Variants in CAND2 observed in about 807,000 individuals in gnomAD.
CAND2 encodes cullin associated and neddylation dissociated 2 (putative).
Under a neutral mutation model 98.9 loss-of-function variants are expected in CAND2, and 62 were observed. The ratio of observed to expected loss-of-function variants is 0.63; its 90% CI spans 0.51 to 0.77. The LOEUF (loss-of-function observed/expected upper bound fraction) is 0.77, where lower values mean the gene tolerates loss of function less well. Ranked by LOEUF, CAND2 falls within the 30% of genes least tolerant of loss-of-function variation. The probability of loss-of-function intolerance (pLI) is 0.00; values close to 1 mark genes in which losing one functional copy is unlikely to be tolerated. For synonymous variants in CAND2, 770 were observed against 731.9 expected, an observed-to-expected ratio of 1.05 and a Z score of -0.84; for missense variants, 1,501 against 1,655.2, an observed-to-expected ratio of 0.91 and a Z score of 1.62.
chr3:12,828,429 C>G (rs2062021318), intron 13 of CAND2, among the ~76,000 whole-genome samples: 1 of 151,050 alleles, frequency 6.6e-6, no homozygotes, highest in African/African-American at 2.4e-5. Flanking sequence ...CCTCTGCCTC[C>G]CAGGTTCAAG....
intron 7 of CAND2, among the ~76,000 whole-genome samples, chr3:12,813,784 G>A (rs1020633240): frequency 2.0e-5 from 3 of 152,218 alleles, no homozygotes; most frequent in Admixed American, 6.5e-5. Flanking sequence ...GCTTTCAGGA[G>A]ATAATGTCTT....
Position 12,815,078 on chromosome 3 carries a change from C to A in CAND2, c.1007-63C>A. On this transcript the variant is annotated intron_variant, in intron 7 of 14. Transcript: ENST00000456430. The surrounding 1 kb of genome is among the most constrained non-coding windows in gnomAD (Gnocchi z 5.7). ...GCTCTCTCTCCTCCCTGTCCCTTCTCCCCCGAGCCACAGACCTGTCCTGGG... is the reference window on the plus strand; with the variant it reads ...GCTCTCTCTCCTCCCTGTCCCTTCTACCCCGAGCCACAGACCTGTCCTGGG... 8 of 1,526,764 alleles carry A rather than the reference C, an allele frequency of 5.2e-6. No homozygotes were observed. Among genetic ancestry groups the A allele is most frequent in the Non-Finnish European group, 7.1e-6 (8 of 1,121,492 alleles). 94.6% of individuals were successfully genotyped at this position (1,526,764 alleles called of 1,614,324 possible).
At chr3:12,807,232 AG>A in intron 2 of CAND2, 73 bp from the exon 3 acceptor site, 1 of 1,395,712 alleles carries the variant, frequency 7.2e-7, no homozygotes. Flanking sequence ...CAGGAGCATG[AG>A]GGGACATAAA....
Position 12,815,449 on chromosome 3 carries a change from C to T in CAND2, c.1299+16C>T, listed in dbSNP as rs777006257. Reference sequence around the variant, plus strand: ...ACGTGGACAGGTGGGCGTGCCTTCACCTCCACCCCTACCCCCGATTTGCCT... The same window carrying T: ...ACGTGGACAGGTGGGCGTGCCTTCATCTCCACCCCTACCCCCGATTTGCCT... On this transcript the variant is annotated intron_variant, in intron 8 of 14. Transcript: ENST00000456430. The surrounding 1 kb of genome is among the most constrained non-coding windows in gnomAD (Gnocchi z 5.7). The T allele has an allele frequency of 1.3e-6, 2 of 1,595,926 alleles. No homozygotes were observed. The highest frequency in any genetic ancestry group is 1.1e-5 in the South Asian group (1 of 90,136).
rs185569616 is a variant in CAND2 at position 12,804,504 on chromosome 3, T to A, written c.212+873T>A. Among the ~76,000 whole-genome samples, 22 of 152,220 alleles carry A rather than the reference T, an allele frequency of 1.4e-4. No homozygotes were observed. In the East Asian group the frequency reaches 4.1e-3, roughly 28 times the overall value. ...AAAAAAGGCTTAGGGCACATGGGAC[T>A]GGGAGAGGTCCTAAAAGCCCCAGCC... On this transcript the variant is annotated intron_variant, in intron 2 of 14. Transcript: ENST00000456430.
chr3:12,820,055 CCTCA>C (rs780580048), intron 10 of CAND2, 27 bp from the exon 11 acceptor site: 72 of 1,587,154 alleles, frequency 4.5e-5, no homozygotes, highest in Admixed American at 1.2e-4. Context: ...GGCCCCTGCC[CCTCA>C]CTAACTCACC....
In CAND2 at chr3:12,833,755, G is replaced by C. The variant is rs753039496; in HGVS notation, c.3484G>C (p.Val1162Leu). ...EPLRATCTAK[V>L]KAGSVKQEFE... ...CTGCTTCTGCTGTTTCCTACTTTAG[G>C]TCAAAGCTGGTTCTGTGAAGCAGGA... The change falls in exon 15 of 15, where the codon GTC becomes CTC. Residue 1162 changes from valine (V) to leucine (L), a missense_variant and splice_region_variant. By Grantham distance (32) the Val-to-Leu change is conservative. Around this residue, in one of 3 missense-constraint regions of CAND2, gnomAD observed 1,427 missense variants for 1,545.3 expected, o/e 0.92. Transcript: ENST00000456430. 6.2e-7 allele frequency: 1 copy of C among 1,613,360 alleles called. No individual in the cohort carries two copies. Among genetic ancestry groups the C allele is most frequent in the Non-Finnish European group, 8.5e-7 (1 of 1,179,338 alleles).
rs1345558148 is a variant in CAND2 at position 12,815,242 on chromosome 3, C to A, written c.1108C>A (p.Leu370Met). ...CTTGATCAGCTCGCGGCCTGACCTG[C>A]TGCCCGATTTCCACTGCACCCTGGC... is the stretch of plus-strand genomic sequence containing the variant. ...AALISSRPDL[L>M]PDFHCTLAPV... is the part of the protein sequence containing the mutation. The change falls in exon 8 of 15, where the codon CTG becomes ATG. Residue 370 changes from leucine to methionine, a missense_variant. This residue lies in a region of CAND2 where 1,427 missense variants were observed against 1,545.3 expected (regional missense o/e 0.92). Coordinates refer to ENST00000456430, the MANE Select transcript of CAND2 (RefSeq NM_001162499.2). The surrounding 1 kb of genome is among the most constrained non-coding windows in gnomAD (Gnocchi z 5.7). 2 of 1,613,768 alleles carry A rather than the reference C, an allele frequency of 1.2e-6. No individual in the cohort carries two copies. Among genetic ancestry groups the A allele is most frequent in the Non-Finnish European group, 1.7e-6 (2 of 1,180,054 alleles).
rs1481085489 is a variant in CAND2 at position 12,834,369 on chromosome 3, G to C, written c.*387G>C. On this transcript the variant is annotated 3_prime_UTR_variant, in exon 15 of 15. Transcript: ENST00000456430. ...AGCTGTAAAAGATCAGGAGGCAGCA[G>C]ACACCACTCTGGTTTCTTCACTGCA... 5 of 201,300 alleles carry C rather than the reference G, an allele frequency of 2.5e-5. No individual in the cohort carries two copies. The highest frequency in any genetic ancestry group is 4.1e-5 in the Non-Finnish European group (4 of 97,354). 12.5% of individuals were successfully genotyped at this position (201,300 alleles called of 1,614,324 possible).
intron 13 of CAND2, among the ~76,000 whole-genome samples, chr3:12,829,088 T>C (rs2062029071): frequency 6.6e-6 from 1 of 152,242 alleles, no homozygotes; most frequent in Non-Finnish European, 1.5e-5. Context: ...TGCTGGATCA[T>C]ACGGCAATTC....
intron 10 of CAND2, among the ~76,000 whole-genome samples, chr3:12,818,262 C>CA (rs11329908): frequency 0.021 from 3,063 of 147,476 alleles, 43 homozygotes; most frequent in Middle Eastern, 0.028. Context: ...CTGCCTCTAC[C>CA]AAAAAAAAAA....
At position 12,827,526 on chromosome 3, in the gene CAND2, G is replaced by A; in HGVS notation, c.3297G>A (p.Glu1099=). The A allele has an allele frequency of 6.2e-7, 1 of 1,614,102 alleles. No homozygotes were observed. Among genetic ancestry groups the A allele is most frequent in the Admixed American group, 1.7e-5 (1 of 60,010 alleles). The change falls in exon 13 of 15, where the codon GAG becomes GAA. Residue 1099 remains glutamate (E), a synonymous_variant. Transcript: ENST00000456430. ...TTGAATGCATGTATTCACTGCTTGA[G>A]AGCTGCCTGGGCCAGCTGGATATCT... The part of the protein sequence containing the change: ...AAFECMYSLL[E]SCLGQLDICE...
At chr3:12,813,759 ACC>A (rs2061873874) in intron 7 of CAND2, among the ~76,000 whole-genome samples, 1 of 152,194 alleles carries the variant, frequency 6.6e-6, no homozygotes, top group South Asian at 2.1e-4. Context: ...GCCACCGTGT[ACC>A]CTTTTATGAA....
intron 4 of CAND2, among the ~76,000 whole-genome samples, chr3:12,809,072 G>C (rs1180191741): frequency 6.6e-6 from 1 of 152,180 alleles, no homozygotes; most frequent in East Asian, 1.9e-4. Flanking sequence ...TATAGGGAAA[G>C]CAATTCGGGT....
chr3:12,807,310 G>C lies in CAND2; in HGVS notation c.217G>C (p.Gly73Arg). The C allele has an allele frequency of 6.4e-7, 1 of 1,551,214 alleles. No homozygotes were observed. Among genetic ancestry groups the C allele is most frequent in the Non-Finnish European group, 8.7e-7 (1 of 1,146,710 alleles). Residue 73 changes from glycine (G) to arginine (R), a missense_variant, in exon 3 of 15, where the codon GGT becomes CGT. This residue lies in a region of CAND2 where 12 missense variants were observed against 32.6 expected (regional missense o/e 0.37). Transcript: ENST00000456430. ...EVQNLAVKCL[G>R]PLVVKVKEYQ... ...ACCTTCCCACTCCCTGCTCAGCCTG[G>C]GTCCTCTGGTGGTCAAAGTGAAGGA... is the stretch of plus-strand genomic sequence containing the variant.
At chr3:12,816,084 C>T (rs2061896826) in intron 9 of CAND2, 76 bp downstream of exon 9, 2 of 1,459,418 alleles carry the variant, frequency 1.4e-6, no homozygotes, top group Admixed American at 1.8e-5. Flanking sequence ...GAGTTGAGCC[C>T]CCAGTTCCTG....
chr3:12,816,762 G>A lies in CAND2; in HGVS notation c.1830G>A (p.Leu610=). 6.2e-7 allele frequency: 1 copy of A among 1,613,568 alleles called. No individual in the cohort carries two copies. The highest frequency in any genetic ancestry group is 8.5e-7 in the Non-Finnish European group (1 of 1,180,048). The stretch of plus-strand genomic sequence containing the variant: ...TGGGTGACCGGCTTGGGGATGACCT[G>A]GAGCCCACGTTACTGCTCCTCCTGG... ...GHLGDRLGDD[L]EPTLLLLLDR... The change falls in exon 10 of 15, where the codon CTG becomes CTA. Residue 610 remains leucine (L), a synonymous_variant. Transcript: ENST00000456430.
chr3:12,828,335 T>TG (rs1185717335), intron 13 of CAND2, among the ~76,000 whole-genome samples: 1 of 142,130 alleles, frequency 7.0e-6, no homozygotes, highest in African/African-American at 2.8e-5. Context: ...GCAGGTGAAG[T>TG]GTTTTTTTTT....
At position 12,833,990 on chromosome 3, in the gene CAND2, A is replaced by G. The variant is rs761140091; in HGVS notation, c.*8A>G. 8 of 1,611,378 alleles carry G rather than the reference A, an allele frequency of 5.0e-6. No homozygotes were observed. Among genetic ancestry groups the G allele is most frequent in the Non-Finnish European group, 6.8e-6 (8 of 1,177,696 alleles). On this transcript the variant is annotated 3_prime_UTR_variant, in exon 15 of 15. Transcript: ENST00000456430. ...TCAATGGAGCTCAGCTAGTCCCCTCAGCACCAAGGTGGGCCCTCGCTTAAG... is the reference window on the plus strand; with the variant it reads ...TCAATGGAGCTCAGCTAGTCCCCTCGGCACCAAGGTGGGCCCTCGCTTAAG...
Sources: gnomAD v4.1 joint callset for allele counts (sites outside exome capture counted in the v4.1 genomes callset) on GRCh38, gnomAD v4.1.1 for gene constraint, gnomAD v4.1.1 regional missense constraint, Gnocchi (gnomAD v3.1) non-coding constraint, MANE v1.5 for transcripts, NCBI Gene and HGNC (gene_info 2026-07-23, HGNC 2026-07-21) for gene names.